Variants in COL25A1 observed in about 807,000 individuals in gnomAD.
The protein encoded by COL25A1 is collagen alpha-1(XXV) chain.
A neutral mutation model predicts 128.4 loss-of-function variants in COL25A1; 103 were observed. That is an observed-to-expected ratio of 0.80 (90% CI 0.68 to 0.94). The LOEUF (loss-of-function observed/expected upper bound fraction) is 0.94, where lower values mean the gene tolerates loss of function less well. Ranked by LOEUF, COL25A1 falls within the 40% of genes least tolerant of loss-of-function variation. COL25A1 has a pLI of 0.00. For missense variants in COL25A1, 745 were observed against 840.0 expected, an observed-to-expected ratio of 0.89 and a Z score of 1.40; for synonymous variants, 279 against 277.2, an observed-to-expected ratio of 1.01 and a Z score of -0.06.
intron 8 of COL25A1, among the ~76,000 whole-genome samples, chr4:108,972,285 A>T (rs913465215): frequency 2.6e-5 from 4 of 152,206 alleles, no homozygotes; most frequent in African/African-American, 9.6e-5. Flanking sequence ...ATTTAAAAAA[A>T]AGAGAGCCTT....
intron 3 of COL25A1, among the ~76,000 whole-genome samples, chr4:109,105,165 A>T (rs1299008423): frequency 6.6e-6 from 1 of 152,110 alleles, no homozygotes; most frequent in African/African-American, 2.4e-5. Context: ...TTGTTTTTAT[A>T]ATTTTCTGTA....
intron 6 of COL25A1, among the ~76,000 whole-genome samples, chr4:108,988,398 C>T (rs1396330746): frequency 6.6e-6 from 1 of 152,170 alleles, no homozygotes; most frequent in Non-Finnish European, 1.5e-5. Context: ...CAACATGCTT[C>T]CAATGAGTGC....
At chr4:109,211,402 T>C (rs1463602769) in intron 3 of COL25A1, among the ~76,000 whole-genome samples, 2 of 149,002 alleles carry the variant, frequency 1.3e-5, no homozygotes, top group South Asian at 2.2e-4. Context: ...CACTTTTCCT[T>C]TCTGATCATC....
intron 3 of COL25A1, among the ~76,000 whole-genome samples, chr4:109,279,950 T>A (rs1428596573): frequency 6.6e-6 from 1 of 152,198 alleles, no homozygotes. Flanking sequence ...AATCTGATGA[T>A]CCTTAGGATA....
At chr4:109,033,669 C>CA (rs1274293625) in intron 5 of COL25A1, among the ~76,000 whole-genome samples, 2 of 151,804 alleles carry the variant, frequency 1.3e-5, no homozygotes, top group African/African-American at 2.4e-5. Flanking sequence ...TCATGAAGAG[C>CA]ACATAGCAGG....
At chr4:109,219,862 TA>T in intron 3 of COL25A1, among the ~76,000 whole-genome samples, 1 of 152,316 alleles carries the variant, frequency 6.6e-6, no homozygotes. Context: ...GTTATCCTAC[TA>T]AACAGAAATC....
chr4:109,173,811 C>A (rs1171115729), intron 3 of COL25A1, among the ~76,000 whole-genome samples: 1 of 152,040 alleles, frequency 6.6e-6, no homozygotes, highest in East Asian at 1.9e-4. Flanking sequence ...ATGCTTGAGA[C>A]CATCAGTGAG....
chr4:108,891,969 T>TG (rs765412672), intron 16 of COL25A1, among the ~76,000 whole-genome samples: 9 of 151,474 alleles, frequency 5.9e-5, no homozygotes, highest in Non-Finnish European at 7.4e-5. Context: ...TTCCATTTGA[T>TG]GGACAACTAA....
intron 19 of COL25A1, among the ~76,000 whole-genome samples, chr4:108,880,942 G>C (rs1329091292): frequency 1.3e-5 from 2 of 152,198 alleles, no homozygotes; most frequent in African/African-American, 4.8e-5. Context: ...TTAAAAATAT[G>C]TGAAAGCTTG....
chr4:109,211,605 A>G (rs1777570291), intron 3 of COL25A1, among the ~76,000 whole-genome samples: 1 of 151,628 alleles, frequency 6.6e-6, no homozygotes, highest in Non-Finnish European at 1.5e-5. Context: ...AGATATTCAG[A>G]AAAAAAACTT....
Position 109,173,316 on chromosome 4 carries a change from G to C in COL25A1, c.368-123137C>G, listed in dbSNP as rs2526435. On this transcript the variant is annotated intron_variant, in intron 3 of 37. Coordinates refer to ENST00000399132, the MANE Select transcript of COL25A1 (RefSeq NM_198721.4). ...TTGTCCAGGCTGGTCTCAAACACCT[G>C]GGCTCAAACAATGCTCCAGCCTCAG... is the stretch of plus-strand genomic sequence containing the variant. Among the ~76,000 whole-genome samples, 1,317 of 152,102 alleles carry C rather than the reference G, an allele frequency of 8.7e-3. 23 individuals carry two copies. The highest frequency in any genetic ancestry group is 0.03 in the African/African-American group (1,245 of 41,506).
chr4:109,155,723 A>G (rs1180096586), intron 3 of COL25A1, among the ~76,000 whole-genome samples: 14 of 152,244 alleles, frequency 9.2e-5, no homozygotes, highest in Admixed American at 9.2e-4. Context: ...CCACGGACCA[A>G]CAGAGCAATT....
intron 3 of COL25A1, among the ~76,000 whole-genome samples, chr4:109,142,999 A>T (rs1394209710): frequency 2.0e-5 from 3 of 152,168 alleles, no homozygotes; most frequent in African/African-American, 7.2e-5. Flanking sequence ...GTTTCTTCAT[A>T]GTGTCAATGG....
At chr4:109,151,005 A>G (rs893412516) in intron 3 of COL25A1, among the ~76,000 whole-genome samples, 7 of 152,108 alleles carry the variant, frequency 4.6e-5, no homozygotes, top group African/African-American at 1.2e-4. Context: ...TTGAAAATTA[A>G]TTAGTTATAA....
chr4:109,029,418 T>C lies in COL25A1; in HGVS notation c.420+18750A>G, dbSNP rs141158086. ...TCATTCACCTCACTTCCTCTCACCA[T>C]GTAGGCATTTTGTCATCTCACATCA... is the stretch of plus-strand genomic sequence containing the variant. On this transcript the variant is annotated intron_variant, in intron 5 of 37. Coordinates refer to ENST00000399132, the MANE Select transcript of COL25A1 (RefSeq NM_198721.4). Among the ~76,000 whole-genome samples the C allele has an allele frequency of 3.3e-4, 51 of 152,338 alleles. No homozygotes were observed. The East Asian group carries it at 9.3e-3, about 28-fold the overall frequency.
intron 6 of COL25A1, among the ~76,000 whole-genome samples, chr4:109,005,700 G>A (rs577946290): frequency 1.2e-4 from 18 of 152,282 alleles, no homozygotes; most frequent in Admixed American, 5.2e-4. Flanking sequence ...ACAGGGGTGG[G>A]AAATGTGGGT....
At chr4:108,899,761 C>A (rs916176848) in intron 14 of COL25A1, among the ~76,000 whole-genome samples, 4 of 151,996 alleles carry the variant, frequency 2.6e-5, no homozygotes, top group Admixed American at 6.6e-5. Context: ...TTTTAGGAGG[C>A]ACCTTAAGGA....
At chr4:108,892,584 T>C (rs1384698538) in intron 16 of COL25A1, among the ~76,000 whole-genome samples, 1 of 152,216 alleles carries the variant, frequency 6.6e-6, no homozygotes, top group Non-Finnish European at 1.5e-5. Flanking sequence ...ACAATGATCA[T>C]TTTCTAATAT....
At chr4:108,978,818 G>A (rs1752681308) in intron 6 of COL25A1, among the ~76,000 whole-genome samples, 1 of 152,188 alleles carries the variant, frequency 6.6e-6, no homozygotes, top group African/African-American at 2.4e-5. Context: ...CAGTCATAGG[G>A]AAGTGAACAG....
Sources: gnomAD v4.1 joint callset for allele counts (sites outside exome capture counted in the v4.1 genomes callset) on GRCh38, gnomAD v4.1.1 for gene constraint, MANE v1.5 for transcripts, NCBI Gene and HGNC (gene_info 2026-07-23, HGNC 2026-07-21) for gene names.